The following AIM2 variants were observed in gnomAD, a reference collection of about 807,000 sequenced individuals.
The protein encoded by AIM2 is absent in melanoma 2.
Under a neutral mutation model 27.7 loss-of-function variants are expected in AIM2, and 30 were observed. The observed-to-expected ratio is 1.08, with a 90% CI of 0.81 to 1.47. The LOEUF (loss-of-function observed/expected upper bound fraction) is 1.47, where lower values mean the gene tolerates loss of function less well. AIM2 is among the 40% of genes most tolerant of loss of function. The pLI is 0.00. For missense variants in AIM2, 358 were observed against 411.3 expected (o/e 0.87, Z 1.12); for synonymous variants, 141 against 145.3 (o/e 0.97, Z 0.21).
intron 3 of AIM2, among the ~76,000 whole-genome samples, chr1:159,067,310 A>G (rs1053209651): frequency 3.3e-5 from 5 of 152,230 alleles, no homozygotes; most frequent in East Asian, 1.9e-4. Context: ...TTCTGAATTA[A>G]CAGAGATAAG....
chr1:159,121,757 T>C (rs559797764), intron 1 of AIM2, among the ~76,000 whole-genome samples: 2 of 152,298 alleles, frequency 1.3e-5, no homozygotes, highest in South Asian at 2.1e-4. Flanking sequence ...TGATCCTATG[T>C]ATGCAAAGTG....
chr1:159,081,482 C>T (rs1656774218), upstream of AIM2: 6 of 513,672 alleles, frequency 1.2e-5, no homozygotes, highest in Admixed American at 1.2e-4. Context: ...GGAAATGCTT[C>T]AGAGCCCCTC....
intron 1 of AIM2, among the ~76,000 whole-genome samples, chr1:159,095,012 T>C (rs1657140820): frequency 6.6e-6 from 1 of 152,068 alleles, no homozygotes; most frequent in African/African-American, 2.4e-5. Flanking sequence ...TTTAAATCAT[T>C]ACTGAAAAAA....
chr1:159,105,948 C>G (rs1657434469), intron 1 of AIM2, among the ~76,000 whole-genome samples: 1 of 152,144 alleles, frequency 6.6e-6, no homozygotes, highest in African/African-American at 2.4e-5. Flanking sequence ...TGAGGACCCA[C>G]CCCTTTCTGC....
upstream of AIM2, among the ~76,000 whole-genome samples, chr1:159,143,271 T>C (rs554666463): frequency 6.6e-6 from 1 of 152,286 alleles, no homozygotes; most frequent in East Asian, 1.9e-4. Flanking sequence ...AGGCTCTTTC[T>C]AACACAAGGG....
At chr1:159,066,459 A>G (rs976150567) in intron 3 of AIM2, 130 bp from the exon 4 acceptor site, 26 of 936,644 alleles carry the variant, frequency 2.8e-5, no homozygotes, top group Non-Finnish European at 4.1e-5. Flanking sequence ...AGAGATACAG[A>G]GGGGATACGA....
At chr1:159,129,880 T>A (rs183350490) in intron 1 of AIM2, among the ~76,000 whole-genome samples, 50 of 152,314 alleles carry the variant, frequency 3.3e-4, no homozygotes, top group Admixed American at 6.5e-4. Context: ...CACTTCTCCC[T>A]CCAGCTCCCA....
intron 1 of AIM2, among the ~76,000 whole-genome samples, chr1:159,109,493 G>T (rs1657521123): frequency 6.6e-6 from 1 of 152,206 alleles, no homozygotes; most frequent in Admixed American, 6.5e-5. Flanking sequence ...TCTAGACATT[G>T]CCTTAGGCAA....
At chr1:159,099,787 C>T (rs1298297539) in intron 1 of AIM2, among the ~76,000 whole-genome samples, 1 of 152,162 alleles carries the variant, frequency 6.6e-6, no homozygotes, top group Admixed American at 6.5e-5. Flanking sequence ...CCTGTAAAAA[C>T]AAGATCAGTC....
chr1:159,135,152 C>T (rs929680548), intron 1 of AIM2, among the ~76,000 whole-genome samples: 16 of 152,214 alleles, frequency 1.1e-4, no homozygotes, highest in African/African-American at 3.9e-4. Flanking sequence ...TCTTAGCACA[C>T]AGCAGGTACT....
intron 2 of AIM2, 79 bp from the exon 3 acceptor site, chr1:159,068,780 A>C: frequency 1.4e-6 from 2 of 1,388,788 alleles, no homozygotes; most frequent in South Asian, 2.6e-5. Context: ...CACCAGGAAT[A>C]AATACTAAAA....
chr1:159,107,875 A>G (rs956233291), intron 1 of AIM2, among the ~76,000 whole-genome samples: 5 of 152,218 alleles, frequency 3.3e-5, no homozygotes, highest in African/African-American at 1.2e-4. Context: ...TACCCTGAAC[A>G]GACCAATAAG....
chr1:159,065,363 G>A (rs889742139), intron 4 of AIM2, among the ~76,000 whole-genome samples: 23 of 152,156 alleles, frequency 1.5e-4, no homozygotes, highest in African/African-American at 4.8e-5. Flanking sequence ...AGCCTTGTGT[G>A]TGATCTTTTC....
At chr1:159,137,853 A>G (rs1282345554) in intron 1 of AIM2, among the ~76,000 whole-genome samples, 1 of 152,124 alleles carries the variant, frequency 6.6e-6, no homozygotes, top group African/African-American at 2.4e-5. Flanking sequence ...AGTCTGGAAA[A>G]CCAGGACGCT....
chr1:159,071,620 G>A (rs567703059), intron 2 of AIM2, among the ~76,000 whole-genome samples: 3 of 152,154 alleles, frequency 2.0e-5, no homozygotes, highest in South Asian at 2.1e-4. Context: ...AGTGATTCTC[G>A]TGCCTCAGCC....
intron 1 of AIM2, among the ~76,000 whole-genome samples, chr1:159,111,510 CA>C (rs1343238219): frequency 6.6e-6 from 1 of 151,826 alleles, no homozygotes; most frequent in African/African-American, 2.4e-5. Context: ...AACAGTTACA[CA>C]AAAAAACTAC....
At chr1:159,078,029 C>T (rs920070278), upstream of AIM2, among the ~76,000 whole-genome samples, 1 of 152,152 alleles carries the variant, frequency 6.6e-6, no homozygotes, top group African/African-American at 2.4e-5. Context: ...TAACCATGCC[C>T]AGGTAATCAG....
At chr1:159,102,881 T>C (rs547837408) in intron 1 of AIM2, among the ~76,000 whole-genome samples, 1 of 152,318 alleles carries the variant, frequency 6.6e-6, no homozygotes, top group Admixed American at 6.5e-5. Context: ...CAGACGAGAC[T>C]TTGGACTTGG....
chr1:159,099,237 A>T (rs1321069261), intron 1 of AIM2, among the ~76,000 whole-genome samples: 1 of 152,198 alleles, frequency 6.6e-6, no homozygotes, highest in African/African-American at 2.4e-5. Context: ...ATGGGGCAAG[A>T]GGAGACAAAG....
Sources: gnomAD v4.1 joint callset for allele counts (sites outside exome capture counted in the v4.1 genomes callset) on GRCh38, gnomAD v4.1.1 for gene constraint, MANE v1.5 for transcripts, NCBI Gene and HGNC (gene_info 2026-07-23, HGNC 2026-07-21) for gene names.